ROBO1: variants seen among roughly 807,000 people sequenced by gnomAD.
The protein encoded by ROBO1 is roundabout guidance receptor 1.
ROBO1 carries 149 observed loss-of-function variants against 195.9 expected under a neutral mutation model. The ratio of observed to expected loss-of-function variants is 0.76; its 90% CI spans 0.67 to 0.87. The LOEUF (loss-of-function observed/expected upper bound fraction) is 0.87. ROBO1 is among the 40% of genes least tolerant of loss of function. The pLI, the probability that ROBO1 is intolerant of heterozygous loss-of-function variation, is 0.00. For synonymous variants in ROBO1, 816 were observed against 733.2 expected (o/e 1.11, Z -1.82); for missense variants, 1,933 against 2,068.3 (o/e 0.93, Z 1.27).
chr3:78,908,916 T>G (rs1398238563), intron 4 of ROBO1, among the ~76,000 whole-genome samples: 1 of 151,846 alleles, frequency 6.6e-6, no homozygotes, highest in Admixed American at 6.6e-5. Context: ...CATACTCTAC[T>G]GTAAAAATTC....
chr3:78,886,968 C>T (rs2036606384), intron 4 of ROBO1, among the ~76,000 whole-genome samples: 2 of 151,994 alleles, frequency 1.3e-5, no homozygotes, highest in Admixed American at 6.6e-5. Flanking sequence ...TTGTTAATAA[C>T]TGTTTAGCTA....
intron 1 of ROBO1, among the ~76,000 whole-genome samples, chr3:79,596,056 G>C (rs1213537124): frequency 6.6e-6 from 1 of 151,902 alleles, no homozygotes; most frequent in Non-Finnish European, 1.5e-5. Context: ...ACTACAGCTT[G>C]GTCTACCCAA....
intron 1 of ROBO1, among the ~76,000 whole-genome samples, chr3:79,742,632 C>T (rs1703698286): frequency 6.6e-6 from 1 of 152,174 alleles, no homozygotes; most frequent in Non-Finnish European, 1.5e-5. Context: ...GCATGCAGTA[C>T]TGAGTCAATT....
chr3:79,583,509 A>T (rs140860798), intron 2 of ROBO1, among the ~76,000 whole-genome samples: 5 of 152,062 alleles, frequency 3.3e-5, no homozygotes, highest in African/African-American at 7.2e-5. Flanking sequence ...TCTGAAAAAG[A>T]TATTTCTTCC....
chr3:79,335,168 T>C (rs1172336210), intron 2 of ROBO1, among the ~76,000 whole-genome samples: 4 of 152,168 alleles, frequency 2.6e-5, no homozygotes, highest in Admixed American at 6.6e-5. Flanking sequence ...ATTTTAGATG[T>C]ATCAGAATTC....
intron 3 of ROBO1, among the ~76,000 whole-genome samples, chr3:79,003,894 G>T (rs189813547): frequency 6.6e-6 from 1 of 152,262 alleles, no homozygotes; most frequent in East Asian, 1.9e-4. Context: ...TTCAATTCCT[G>T]CATATTACAG....
chr3:79,615,212 C>T (rs567168538), intron 1 of ROBO1, among the ~76,000 whole-genome samples: 1 of 152,116 alleles, frequency 6.6e-6, no homozygotes, highest in Non-Finnish European at 1.5e-5. Context: ...GCATAATAAA[C>T]CTTTGCTCTC....
At chr3:79,434,420 A>C (rs2038803138) in intron 2 of ROBO1, among the ~76,000 whole-genome samples, 1 of 152,218 alleles carries the variant, frequency 6.6e-6, no homozygotes. Flanking sequence ...ATGAACAGAC[A>C]CTTCTCAAAA....
chr3:78,990,976 T>C (rs2077223846), intron 3 of ROBO1, among the ~76,000 whole-genome samples: 1 of 152,214 alleles, frequency 6.6e-6, no homozygotes, highest in Non-Finnish European at 1.5e-5. Context: ...CAGTCTGTGG[T>C]TGTTCCATTT....
intron 2 of ROBO1, among the ~76,000 whole-genome samples, chr3:79,529,851 T>C (rs189344323): frequency 1.2e-4 from 18 of 152,352 alleles, no homozygotes; most frequent in Admixed American, 1.0e-3. Context: ...TGAAAATGTA[T>C]TGTTTAATTA....
chr3:79,514,964 G>A (rs1240321425), intron 2 of ROBO1, among the ~76,000 whole-genome samples: 2 of 152,152 alleles, frequency 1.3e-5, no homozygotes, highest in Non-Finnish European at 2.9e-5. Flanking sequence ...TCCCATTTTA[G>A]AGAAATGTTT....
chr3:79,767,014 T>C (rs4856326), intron 1 of ROBO1, among the ~76,000 whole-genome samples: 1 of 151,782 alleles, frequency 6.6e-6, no homozygotes, highest in East Asian at 1.9e-4. Flanking sequence ...CTGGCTTAGC[T>C]TTAAGCTCTC....
intron 4 of ROBO1, among the ~76,000 whole-genome samples, chr3:78,834,744 C>A (rs982109050): frequency 6.6e-6 from 1 of 152,020 alleles, no homozygotes; most frequent in African/African-American, 2.4e-5. Flanking sequence ...GAGGGGTTGA[C>A]CTGGTTTTCA....
At chr3:78,814,789 G>T (rs998146923) in intron 4 of ROBO1, among the ~76,000 whole-genome samples, 1 of 151,974 alleles carries the variant, frequency 6.6e-6, no homozygotes, top group African/African-American at 2.4e-5. Context: ...TCATTTTATA[G>T]TGCTTCACTT....
chr3:78,602,092 T>C (rs1042124540), intron 29 of ROBO1, among the ~76,000 whole-genome samples: 4 of 151,806 alleles, frequency 2.6e-5, no homozygotes, highest in African/African-American at 9.7e-5. Flanking sequence ...ATGATATAGT[T>C]TGGATATTTG....
At chr3:78,778,432 TG>T (rs2083570347) in intron 4 of ROBO1, among the ~76,000 whole-genome samples, 1 of 152,232 alleles carries the variant, frequency 6.6e-6, no homozygotes, top group South Asian at 2.1e-4. Flanking sequence ...TTTGTACCTC[TG>T]GTAGAATTCA....
chr3:79,001,536 C>T (rs1021654094), intron 3 of ROBO1, among the ~76,000 whole-genome samples: 4 of 152,046 alleles, frequency 2.6e-5, no homozygotes, highest in African/African-American at 9.7e-5. Context: ...AAATCTTTGA[C>T]TTATGGCAGG....
chr3:79,062,763 A>G (rs2078942194), intron 3 of ROBO1, among the ~76,000 whole-genome samples: 2 of 152,092 alleles, frequency 1.3e-5, no homozygotes, highest in African/African-American at 4.8e-5. Flanking sequence ...GTTCTCACTC[A>G]CAAGTGGGAA....
At chr3:78,838,924 G>C (rs1270695399) in intron 4 of ROBO1, among the ~76,000 whole-genome samples, 1 of 152,118 alleles carries the variant, frequency 6.6e-6, no homozygotes, top group Non-Finnish European at 1.5e-5. Context: ...GGCACTCCTT[G>C]ACTAAATCTA....
Sources: allele counts gnomAD v4.1 joint callset (sites outside exome capture counted in the v4.1 genomes callset), GRCh38; gene constraint gnomAD v4.1.1; transcripts MANE v1.5; gene names NCBI Gene and HGNC (gene_info 2026-07-23, HGNC 2026-07-21).